The following DLGAP4 variants were observed in gnomAD, a reference collection of about 807,000 sequenced individuals.
DLGAP4 encodes DLG associated protein 4.
A neutral mutation model predicts 86.9 loss-of-function variants in DLGAP4; 18 were observed. That is an observed-to-expected ratio of 0.21 (90% CI 0.14 to 0.31). The LOEUF (loss-of-function observed/expected upper bound fraction) is 0.31, where lower values mean the gene tolerates loss of function less well. Ranked by LOEUF, DLGAP4 falls within the 10% of genes least tolerant of loss-of-function variation. The pLI is 1.00. For missense variants in DLGAP4, 1,085 were observed against 1,362.6 expected (o/e 0.80, Z 3.21); for synonymous variants, 548 against 574.3 (o/e 0.95, Z 0.65).
chr20:36,312,694 C>T (rs1053752068), intron 1 of DLGAP4, among the ~76,000 whole-genome samples: 26 of 152,148 alleles, frequency 1.7e-4, no homozygotes, highest in Admixed American at 6.5e-5. Flanking sequence ...ATTAGAACAA[C>T]GCCCTGAAGA....
intron 10 of DLGAP4, among the ~76,000 whole-genome samples, chr20:36,504,347 A>G (rs569622802): frequency 2.1e-5 from 3 of 142,026 alleles, no homozygotes; most frequent in Admixed American, 1.3e-4. Flanking sequence ...TCCATGTTAC[A>G]GCATTTTCAT....
At chr20:36,400,602 G>T (rs1200626722) in intron 2 of DLGAP4, among the ~76,000 whole-genome samples, 6 of 152,060 alleles carry the variant, frequency 3.9e-5, no homozygotes, top group Non-Finnish European at 8.8e-5. Flanking sequence ...GGTCTGAGGG[G>T]GTTGGATGGG....
At chr20:36,394,745 G>A (rs933042897) in intron 2 of DLGAP4, among the ~76,000 whole-genome samples, 4 of 139,750 alleles carry the variant, frequency 2.9e-5, no homozygotes, top group African/African-American at 7.9e-5. Context: ...TGCCTCCCAC[G>A]TTCACAGGCT....
At chr20:36,437,450 A>G (rs1030866920) in intron 4 of DLGAP4, among the ~76,000 whole-genome samples, 4 of 152,176 alleles carry the variant, frequency 2.6e-5, no homozygotes, top group South Asian at 2.1e-4. Context: ...ATCACCTGTA[A>G]CAGCACTGCC....
intron 7 of DLGAP4, among the ~76,000 whole-genome samples, chr20:36,490,544 AG>A (rs1239151885): frequency 6.6e-6 from 1 of 152,130 alleles, no homozygotes; most frequent in African/African-American, 2.4e-5. Context: ...AAGGGAGTTA[AG>A]GGAGTCTGCC....
At chr20:36,522,471 AATTTCAAATAAGAGATT>A (rs1262259449) in intron 10 of DLGAP4, among the ~76,000 whole-genome samples, 152 of 152,170 alleles carry the variant, frequency 1.0e-3, no homozygotes, top group Middle Eastern at 6.8e-3. Context: ...CTCCTTTTTT[AATTTCAAATAAGAGATT>A]ATTTCAAATA....
intron 7 of DLGAP4, among the ~76,000 whole-genome samples, chr20:36,458,120 C>T (rs974679161): frequency 6.6e-6 from 1 of 152,002 alleles, no homozygotes; most frequent in Non-Finnish European, 1.5e-5. Flanking sequence ...GTCTGGCCAC[C>T]GACTGTGGAA....
chr20:36,365,915 T>C (rs1569473336), intron 1 of DLGAP4, among the ~76,000 whole-genome samples: 2 of 152,002 alleles, frequency 1.3e-5, no homozygotes, highest in Non-Finnish European at 2.9e-5. Flanking sequence ...ACCACTCGGG[T>C]TCTGTGTCCC....
chr20:36,323,298 C>T (rs1043566473), intron 1 of DLGAP4, among the ~76,000 whole-genome samples: 4 of 149,888 alleles, frequency 2.7e-5, no homozygotes, highest in Non-Finnish European at 5.9e-5. Context: ...AATATTCTGA[C>T]TCCTAAAGCC....
intron 7 of DLGAP4, among the ~76,000 whole-genome samples, chr20:36,450,925 C>A (rs1350157504): frequency 1.3e-5 from 2 of 152,212 alleles, no homozygotes; most frequent in Non-Finnish European, 2.9e-5. Context: ...TGGGGTTGAT[C>A]TTCTAGTCTA....
intron 2 of DLGAP4, among the ~76,000 whole-genome samples, chr20:36,408,463 A>G (rs180877560): frequency 3.9e-5 from 6 of 152,230 alleles, no homozygotes; most frequent in East Asian, 1.9e-4. Context: ...TCTCCCGGAT[A>G]TTTCCTGCTT....
chr20:36,429,398 C>CTTTTTTT (rs151254062), intron 2 of DLGAP4, among the ~76,000 whole-genome samples: 98 of 76,046 alleles, frequency 1.3e-3, no homozygotes, highest in African/African-American at 1.9e-3. Context: ...TTCTTTTTTT[C>CTTTTTTT]TTTTTTTTTT....
intron 7 of DLGAP4, among the ~76,000 whole-genome samples, chr20:36,477,364 G>A (rs1261521259): frequency 6.6e-6 from 1 of 152,220 alleles, no homozygotes; most frequent in African/African-American, 2.4e-5. Flanking sequence ...CAAAGTGCTG[G>A]GATTACAGGC....
At chr20:36,484,859 T>A (rs1444236530) in intron 7 of DLGAP4, among the ~76,000 whole-genome samples, 2 of 152,256 alleles carry the variant, frequency 1.3e-5, no homozygotes, top group Non-Finnish European at 2.9e-5. Context: ...TGCATTGTAT[T>A]TCTTAAAATT....
chr20:36,365,846 G>A (rs1191813184), intron 1 of DLGAP4, among the ~76,000 whole-genome samples: 2 of 152,170 alleles, frequency 1.3e-5, no homozygotes, highest in African/African-American at 4.8e-5. Flanking sequence ...GAGCCCCCTA[G>A]ACCTGGACCT....
chr20:36,361,344 A>AT (rs2030512713), intron 1 of DLGAP4, among the ~76,000 whole-genome samples: 1 of 152,196 alleles, frequency 6.6e-6, no homozygotes, highest in Non-Finnish European at 1.5e-5. Flanking sequence ...AACAAATACC[A>AT]TTTTAACTGG....
At chr20:36,438,452 C>G (rs2147557478) in intron 4 of DLGAP4, among the ~76,000 whole-genome samples, 1 of 150,208 alleles carries the variant, frequency 6.7e-6, no homozygotes, top group East Asian at 1.9e-4. Flanking sequence ...AGCCCTCACA[C>G]TGTCCAGGCT....
intron 7 of DLGAP4, among the ~76,000 whole-genome samples, chr20:36,455,576 C>T (rs958727001): frequency 2.0e-5 from 3 of 152,122 alleles, no homozygotes; most frequent in African/African-American, 7.2e-5. Context: ...GCTCAGGGAC[C>T]CTGAGTTCTG....
intron 1 of DLGAP4, among the ~76,000 whole-genome samples, chr20:36,344,846 A>G (rs1289011414): frequency 1.3e-5 from 2 of 152,154 alleles, no homozygotes; most frequent in Non-Finnish European, 2.9e-5. Context: ...CAGCAAAGCT[A>G]AGGGTCCCCC....
Sources: gnomAD v4.1 joint callset for allele counts (sites outside exome capture counted in the v4.1 genomes callset) on GRCh38, gnomAD v4.1.1 for gene constraint, MANE v1.5 for transcripts, NCBI Gene and HGNC (gene_info 2026-07-23, HGNC 2026-07-21) for gene names.